TRIM33: variants seen among roughly 807,000 people sequenced by gnomAD.
TRIM33 encodes tripartite motif containing 33.
Under a neutral mutation model 125.4 loss-of-function variants are expected in TRIM33, and 20 were observed. The ratio of observed to expected loss-of-function variants is 0.16; its 90% CI spans 0.11 to 0.23. The LOEUF is 0.23. Among genes scored for constraint, TRIM33 ranks in the 10% least tolerant of loss-of-function variants. The pLI is 1.00. For synonymous variants in TRIM33, 564 were observed against 513.9 expected (o/e 1.10, Z -1.32); for missense variants, 920 against 1,411.4 (o/e 0.65, Z 5.58).
intron 1 of TRIM33, among the ~76,000 whole-genome samples, chr1:114,510,087 C>A (rs3827735): frequency 0.2 from 30,225 of 151,818 alleles, 3,785 homozygotes; most frequent in East Asian, 0.38. Context: ...AATCCATAGT[C>A]CTCCTCTCTC....
intron 4 of TRIM33, among the ~76,000 whole-genome samples, chr1:114,443,197 C>A (rs145889537): frequency 2.0e-5 from 3 of 151,632 alleles, no homozygotes; most frequent in African/African-American, 7.3e-5. Context: ...GCCTGGCCAA[C>A]ATAGTGAAAC....
chr1:114,414,588 T>C lies in TRIM33; in HGVS notation c.2062-4272A>G, dbSNP rs184078444. ...GAGGCTTTAACAATCCACTAAGTTT[T>C]ATTGGGTTCTCCTGGTATATACTCA... On this transcript the variant is annotated intron_variant, in intron 11 of 19. Transcript: ENST00000358465. Among the ~76,000 whole-genome samples, 65 of 152,346 alleles carry C rather than the reference T, an allele frequency of 4.3e-4. 3 individuals are homozygous for C. In the East Asian group the frequency reaches 0.01, roughly 24 times the overall value.
At position 114,393,464 on chromosome 1, in the gene TRIM33, T is replaced by C; in HGVS notation, c.*4184A>G. The C allele has an allele frequency of 5.0e-6, 1 of 200,792 alleles. No individual in the cohort carries two copies. Among genetic ancestry groups the C allele is most frequent in the African/African-American group, 2.3e-5 (1 of 43,670 alleles). The allele number at this position is 200,792 out of a possible 1,614,324, so 12.4% of individuals were successfully genotyped here. A position where few individuals can be genotyped will look rare whatever the true frequency, so the allele number is the denominator to read the frequency against. ...GAATTTAAAAGAGGAGCATTTTTAA[T>C]TTTAAAGATCACTTTCTAGAAAAGG... On this transcript the variant is annotated 3_prime_UTR_variant, in exon 20 of 20. Transcript: ENST00000358465.
At chr1:114,486,904 T>G (rs538577675) in intron 1 of TRIM33, among the ~76,000 whole-genome samples, 136 of 151,966 alleles carry the variant, frequency 8.9e-4, no homozygotes, top group African/African-American at 3.2e-3. Context: ...CTGGCCAAAA[T>G]AGTGAAACCC....
intron 1 of TRIM33, among the ~76,000 whole-genome samples, chr1:114,507,559 A>G (rs1653073684): frequency 6.6e-6 from 1 of 152,232 alleles, no homozygotes; most frequent in Admixed American, 6.5e-5. Flanking sequence ...GTATTGTTGA[A>G]GCATTTCTCA....
chr1:114,466,835 G>T (rs1039314102), intron 1 of TRIM33, among the ~76,000 whole-genome samples: 3 of 152,194 alleles, frequency 2.0e-5, no homozygotes, highest in Admixed American at 2.0e-4. Flanking sequence ...TCAGGTGACC[G>T]ATCTGCTCGC....
At chr1:114,408,762 TG>T in intron 12 of TRIM33, 22 bp from the exon 13 acceptor site, 1 of 1,465,218 alleles carries the variant, frequency 6.8e-7, no homozygotes, top group South Asian at 1.2e-5. Context: ...TAAGTCAAAA[TG>T]AATATCAATG....
chr1:114,422,587 C>T (rs776154871), intron 10 of TRIM33, among the ~76,000 whole-genome samples: 1 of 150,478 alleles, frequency 6.6e-6, no homozygotes, highest in Non-Finnish European at 1.5e-5. Flanking sequence ...CCATCCTTGA[C>T]AAAAGAACAC....
chr1:114,412,408 T>C (rs899566600), intron 11 of TRIM33, among the ~76,000 whole-genome samples: 8 of 152,226 alleles, frequency 5.3e-5, no homozygotes, highest in Admixed American at 1.3e-4. Context: ...GTGTAGTACC[T>C]GATGTGAAAG....
In TRIM33 at chr1:114,399,480, T is replaced by G. The variant is rs1450051631; in HGVS notation, c.3097A>C (p.Lys1033Gln). The stretch of plus-strand genomic sequence containing the variant: ...ACTTCATTAAACCTTTCACAGTTCT[T>G]GAAGATCAAACGGACATCGGCCACA... ...DFVADVRLIF[K>Q]NCERFNEMMK... Residue 1033 changes from lysine (K) to glutamine (Q), a missense_variant, in exon 18 of 20, where the codon AAG becomes CAG. By Grantham distance (53) the Lys-to-Gln change is moderately conservative. Coordinates refer to ENST00000358465, the MANE Select transcript of TRIM33 (RefSeq NM_015906.4). The G allele has an allele frequency of 6.2e-6, 10 of 1,613,692 alleles. No individual in the cohort carries two copies. The highest frequency in any genetic ancestry group is 8.5e-6 in the Non-Finnish European group (10 of 1,179,834).
At chr1:114,411,660 T>C (rs1652596274) in intron 11 of TRIM33, among the ~76,000 whole-genome samples, 3 of 152,180 alleles carry the variant, frequency 2.0e-5, no homozygotes, top group Non-Finnish European at 4.4e-5. Flanking sequence ...CACCTGCAAT[T>C]TGTATCTTTT....
intron 4 of TRIM33, among the ~76,000 whole-genome samples, chr1:114,454,182 G>A (rs1379598965): frequency 6.6e-6 from 1 of 152,114 alleles, no homozygotes; most frequent in African/African-American, 2.4e-5. Flanking sequence ...AATGACCCTG[G>A]CTTACTAAAA....
At chr1:114,405,342 A>C in intron 15 of TRIM33, 68 bp downstream of exon 15, 1 of 1,276,652 alleles carries the variant, frequency 7.8e-7, no homozygotes. Context: ...ATCTGCCCTG[A>C]ACATTCTTCT....
chr1:114,407,371 C>T (rs1156446276), intron 13 of TRIM33, among the ~76,000 whole-genome samples: 1 of 152,144 alleles, frequency 6.6e-6, no homozygotes, highest in African/African-American at 2.4e-5. Flanking sequence ...CACACACACA[C>T]TCCTATTTCT....
chr1:114,439,738 G>A (rs1648539520), intron 4 of TRIM33, among the ~76,000 whole-genome samples: 3 of 151,644 alleles, frequency 2.0e-5, no homozygotes, highest in African/African-American at 7.3e-5. Context: ...ACTACACTAA[G>A]GTATATAATT....
rs752308080 is a variant in TRIM33, at chr1:114,433,753, T to C, written c.924-20A>G. The stretch of plus-strand genomic sequence containing the variant: ...TGATACCTTAAAACCAAAACAAAAC[T>C]ACATTTAAAACAAAACATTTATGAT... On this transcript the variant is annotated intron_variant, in intron 4 of 19. Transcript: ENST00000358465. The C allele has an allele frequency of 7.2e-7, 1 of 1,393,414 alleles. No homozygotes were observed. The highest frequency in any genetic ancestry group is 1.0e-6 in the Non-Finnish European group (1 of 995,228). 86.3% of individuals were successfully genotyped at this position (1,393,414 alleles called of 1,614,324 possible).
Position 114,465,806 on chromosome 1 carries a change from C to A in TRIM33, c.527-1418G>T, listed in dbSNP as rs113285675. On this transcript the variant is annotated intron_variant, in intron 1 of 19. Transcript: ENST00000358465. ...CCTGTAATCCCAGCACTTTGGGAGG[C>A]CGAGGCGGGCGGATCACGAGGTCAG... Among the ~76,000 whole-genome samples, 27 of 152,020 alleles carry A rather than the reference C, an allele frequency of 1.8e-4. No homozygotes were observed. In the East Asian group the frequency reaches 5.2e-3, roughly 29 times the overall value.
chr1:114,423,922 A>C (rs914298849), intron 10 of TRIM33, among the ~76,000 whole-genome samples: 10 of 152,132 alleles, frequency 6.6e-5, no homozygotes, highest in African/African-American at 2.4e-4. Context: ...ACCAAAGCTG[A>C]CTGGTGATTC....
chr1:114,406,504 TAAGC>T (rs1298398374), intron 14 of TRIM33, among the ~76,000 whole-genome samples: 1 of 152,242 alleles, frequency 6.6e-6, no homozygotes, highest in Admixed American at 6.5e-5. Context: ...TAGTAATACG[TAAGC>T]CAAAAGACAA....
Sources: allele counts gnomAD v4.1 joint callset (sites outside exome capture counted in the v4.1 genomes callset), GRCh38; gene constraint gnomAD v4.1.1; transcripts MANE v1.5; gene names NCBI Gene and HGNC (gene_info 2026-07-23, HGNC 2026-07-21).